Variants in AK5 observed in about 807,000 individuals in gnomAD.
AK5 encodes adenylate kinase isoenzyme 5.
AK5 carries 27 observed loss-of-function variants against 69.5 expected under a neutral mutation model. The ratio of observed to expected loss-of-function variants is 0.39; its 90% CI spans 0.29 to 0.54. AK5 has a LOEUF of 0.54. Ranked by LOEUF, AK5 falls within the 20% of genes least tolerant of loss-of-function variation. The pLI is 0.71. For synonymous variants in AK5, 260 were observed against 244.4 expected (o/e 1.06, Z -0.60); for missense variants, 531 against 700.4 (o/e 0.76, Z 2.73).
At position 77,367,393 on chromosome 1, in the gene AK5, A is replaced by T. The variant is rs912147166; in HGVS notation, c.891+26825A>T. On this transcript the variant is annotated intron_variant, in intron 6 of 13. Coordinates refer to ENST00000354567, the MANE Select transcript of AK5 (RefSeq NM_174858.3). The stretch of plus-strand genomic sequence containing the variant: ...ACCCAGGCTGCAGTGCAGTGGAGCA[A>T]CCATGGCCCACTGAGACCTCCCAGG... Among the ~76,000 whole-genome samples, 4 of 150,118 alleles carry T rather than the reference A, an allele frequency of 2.7e-5. No individual in the cohort carries two copies. In the East Asian group the frequency reaches 7.9e-4, roughly 30 times the overall value.
chr1:77,468,197 A>G (rs1654260149), intron 8 of AK5, among the ~76,000 whole-genome samples: 1 of 152,270 alleles, frequency 6.6e-6, no homozygotes, highest in South Asian at 2.1e-4. Flanking sequence ...TTGCAAAAGC[A>G]GTAAAATTCT....
chr1:77,503,764 G>C (rs1168575514), intron 10 of AK5, among the ~76,000 whole-genome samples: 1 of 152,074 alleles, frequency 6.6e-6, no homozygotes, highest in Non-Finnish European at 1.5e-5. Flanking sequence ...AATGAGCCAG[G>C]TGTGGTGGCG....
intron 2 of AK5, among the ~76,000 whole-genome samples, chr1:77,292,376 G>C (rs930457049): frequency 2.6e-5 from 4 of 152,126 alleles, no homozygotes; most frequent in African/African-American, 9.7e-5. Context: ...TGGGTCTGTG[G>C]TCAATGGCCT....
chr1:77,518,790 T>G, intron 11 of AK5, 63 bp downstream of exon 11: 4 of 1,524,864 alleles, frequency 2.6e-6, no homozygotes, highest in Non-Finnish European at 3.6e-6. Flanking sequence ...TTGGGGTTTT[T>G]GTAATGAATC....
intron 6 of AK5, among the ~76,000 whole-genome samples, chr1:77,401,372 C>T (rs1249932393): frequency 6.6e-6 from 1 of 152,060 alleles, no homozygotes; most frequent in East Asian, 1.9e-4. Context: ...ACAAGAAATG[C>T]CATTGGTGGA....
chr1:77,436,134 A>C (rs1443734621), intron 8 of AK5, among the ~76,000 whole-genome samples: 1 of 152,106 alleles, frequency 6.6e-6, no homozygotes, highest in African/African-American at 2.4e-5. Flanking sequence ...AACTTTCTTC[A>C]CATCTCTGTT....
chr1:77,477,677 A>G (rs75033348), intron 8 of AK5, among the ~76,000 whole-genome samples: 3,678 of 152,016 alleles, frequency 0.024, 138 homozygotes, highest in East Asian at 0.19. Flanking sequence ...TGCATTTTGA[A>G]GTTATCTATG....
chr1:77,385,172 G>C (rs1557549321), intron 6 of AK5, among the ~76,000 whole-genome samples: 1 of 151,914 alleles, frequency 6.6e-6, no homozygotes, highest in Non-Finnish European at 1.5e-5. Context: ...GTTTTGTTTT[G>C]TTTTGGAGAC....
chr1:77,294,413 A>G (rs536889590), intron 3 of AK5, among the ~76,000 whole-genome samples: 17 of 152,152 alleles, frequency 1.1e-4, no homozygotes, highest in Non-Finnish European at 2.2e-4. Flanking sequence ...TCTAGAAGAA[A>G]AAAAGAAAGT....
At chr1:77,303,896 A>G (rs1386107053) in intron 5 of AK5, among the ~76,000 whole-genome samples, 2 of 152,190 alleles carry the variant, frequency 1.3e-5, no homozygotes, top group African/African-American at 4.8e-5. Flanking sequence ...GTAGGTATAT[A>G]TATTTAAGGG....
chr1:77,499,869 CATTTTTTTTTTTTTTT>C (rs1359021644), intron 10 of AK5, among the ~76,000 whole-genome samples: 9 of 78,768 alleles, frequency 1.1e-4, no homozygotes, highest in Admixed American at 7.9e-4. Flanking sequence ...GCCCTTTTTC[CATTTTTTTTTTTTTTT>C]TTTTTTTTTT....
chr1:77,434,261 A>C (rs1030920034), intron 8 of AK5, among the ~76,000 whole-genome samples: 1 of 152,106 alleles, frequency 6.6e-6, no homozygotes, highest in East Asian at 1.9e-4. Flanking sequence ...TAAGAGTTTT[A>C]TATGATCTTG....
chr1:77,508,118 T>C (rs911646750), intron 10 of AK5, among the ~76,000 whole-genome samples: 6 of 152,154 alleles, frequency 3.9e-5, no homozygotes, highest in African/African-American at 9.7e-5. Context: ...ATAATGCAAG[T>C]ATCCCAAAAT....
intron 8 of AK5, among the ~76,000 whole-genome samples, chr1:77,424,490 G>A (rs998928391): frequency 6.6e-6 from 1 of 151,936 alleles, no homozygotes; most frequent in Non-Finnish European, 1.5e-5. Context: ...TTAAAACTAT[G>A]ATTAATATGC....
chr1:77,469,552 T>C (rs564114647), intron 8 of AK5, among the ~76,000 whole-genome samples: 1 of 152,316 alleles, frequency 6.6e-6, no homozygotes, highest in East Asian at 1.9e-4. Context: ...TTTCTTGCAA[T>C]AAATCTCATA....
chr1:77,308,106 T>G (rs554675436), intron 5 of AK5, among the ~76,000 whole-genome samples: 1 of 152,198 alleles, frequency 6.6e-6, no homozygotes, highest in African/African-American at 2.4e-5. Flanking sequence ...GTGGGAAATG[T>G]GATCAAGTGG....
chr1:77,461,554 G>A lies in AK5; in HGVS notation c.1060-21763G>A, dbSNP rs970938547. Among the ~76,000 whole-genome samples the A allele has an allele frequency of 3.3e-5, 5 of 151,516 alleles. No homozygotes were observed. In the South Asian group the frequency reaches 1.0e-3, roughly 32 times the overall value. On this transcript the variant is annotated intron_variant, in intron 8 of 13. Coordinates refer to ENST00000354567, the MANE Select transcript of AK5 (RefSeq NM_174858.3). ...TGGGAGGCCTAGGTGGGCAGATCAC[G>A]AGGTCAAGAGATCAAGACCACCCTG...
chr1:77,341,079 A>G (rs1661630836), intron 6 of AK5, among the ~76,000 whole-genome samples: 1 of 152,242 alleles, frequency 6.6e-6, no homozygotes. Flanking sequence ...ATGTATCAAA[A>G]TGGGAGGTAG....
At chr1:77,288,705 G>A (rs1167712049) in intron 2 of AK5, among the ~76,000 whole-genome samples, 1 of 152,180 alleles carries the variant, frequency 6.6e-6, no homozygotes, top group Non-Finnish European at 1.5e-5. Flanking sequence ...GTAATGAGAT[G>A]TCTGAAACTG....
Sources: gnomAD v4.1 joint callset for allele counts (sites outside exome capture counted in the v4.1 genomes callset) on GRCh38, gnomAD v4.1.1 for gene constraint, MANE v1.5 for transcripts, NCBI Gene and HGNC (gene_info 2026-07-23, HGNC 2026-07-21) for gene names.